The following WDR26 variants were observed in gnomAD, a reference collection of about 807,000 sequenced individuals.
WDR26 encodes the protein WD repeat domain 26, also known as WD repeat-containing protein 26.
WDR26 carries 5 observed loss-of-function variants against 84.1 expected under a neutral mutation model. The observed-to-expected ratio is 0.06, with a 90% CI of 0.03 to 0.13. The LOEUF is 0.13. Among genes scored for constraint, WDR26 ranks in the 10% least tolerant of loss-of-function variants. WDR26 has a pLI of 1.00. For missense variants in WDR26, 642 were observed against 974.9 expected, an observed-to-expected ratio of 0.66 and a Z score of 4.55; for synonymous variants, 415 against 389.6, an observed-to-expected ratio of 1.07 and a Z score of -0.77.
chr1:224,422,124 C>A lies in WDR26; in HGVS notation c.1064+2394G>T, dbSNP rs553035614. On this transcript the variant is annotated intron_variant, in intron 4 of 13. Transcript: ENST00000414423. ...ATCTTGGGAGATGATGATGCTTGGG[C>A]TGGGAGCTGAGCAAGGAGTACCCAG... is the stretch of plus-strand genomic sequence containing the variant. Among the ~76,000 whole-genome samples, 19 of 152,206 alleles carry A rather than the reference C, an allele frequency of 1.2e-4. No individual in the cohort carries two copies. The South Asian group carries it at 3.9e-3, about 32-fold the overall frequency.
At chr1:224,391,257 T>C (rs924034202) in intron 13 of WDR26, among the ~76,000 whole-genome samples, 3 of 150,098 alleles carry the variant, frequency 2.0e-5, no homozygotes, top group Admixed American at 2.0e-4. Flanking sequence ...TCCCAGCTAC[T>C]CAGGAGGCTG....
In WDR26 at chr1:224,385,640, T is replaced by G. The variant is rs1364387070; in HGVS notation, c.*4195A>C. The G allele has an allele frequency of 6.5e-6, 1 of 152,674 alleles. No individual in the cohort carries two copies. The highest frequency in any genetic ancestry group is 1.5e-5 in the Non-Finnish European group (1 of 68,046). The allele number at this position is 152,674 out of a possible 1,614,324, so 9.5% of individuals were successfully genotyped here. On this transcript the variant is annotated 3_prime_UTR_variant, in exon 14 of 14. Transcript: ENST00000414423. The stretch of plus-strand genomic sequence containing the variant: ...GAGATCAACACTTAAGTTCTTTTCT[T>G]GATCTCTACAGCTTGGTTTGTAAGT...
At chr1:224,391,891 T>C (rs1673135723) in intron 13 of WDR26, among the ~76,000 whole-genome samples, 1 of 152,036 alleles carries the variant, frequency 6.6e-6, no homozygotes, top group Non-Finnish European at 1.5e-5. Context: ...CAGGTGAAAA[T>C]GAAAATCATT....
At chr1:224,406,601 T>C (rs188209683) in intron 7 of WDR26, among the ~76,000 whole-genome samples, 4 of 152,330 alleles carry the variant, frequency 2.6e-5, no homozygotes, top group Admixed American at 1.3e-4. Context: ...TTTGATAAAA[T>C]TGAATAGTTA....
Position 224,433,999 on chromosome 1 carries a change from G to A in WDR26, c.407C>T (p.Ser136Leu). The A allele has an allele frequency of 6.6e-7, 1 of 1,518,042 alleles. No homozygotes were observed. The highest frequency in any genetic ancestry group is 1.2e-5 in the South Asian group (1 of 82,148). The allele number at this position is 1,518,042 out of a possible 1,614,324, so 94.0% of individuals were successfully genotyped here. The change falls in exon 1 of 14, where the codon TCG becomes TTG. Residue 136 changes from serine (S) to leucine (L), a missense_variant. Around this residue, in one of 2 missense-constraint regions of WDR26, gnomAD observed 291 missense variants for 302.1 expected, o/e 0.96. Transcript: ENST00000414423. Reference sequence around the variant, plus strand: ...GGGGGACGACTCCCCGTTCTGGGCCGACAAGCAGGCGAGTTCCGGGGTCTG... The same window carrying A: ...GGGGGACGACTCCCCGTTCTGGGCCAACAAGCAGGCGAGTTCCGGGGTCTG...
chr1:224,420,529 G>A (rs1423656944), intron 4 of WDR26, among the ~76,000 whole-genome samples: 1 of 152,136 alleles, frequency 6.6e-6, no homozygotes, highest in Non-Finnish European at 1.5e-5. Flanking sequence ...TAAGTACTTA[G>A]TCTACGACCT....
In WDR26 at chr1:224,419,878, C is replaced by T. The variant is rs1208153767; in HGVS notation, c.1065-263G>A. On this transcript the variant is annotated intron_variant, in intron 4 of 13. Transcript: ENST00000414423. ...TATTATATATATGGCTCTTATTGTG[C>T]AGGTTCTAGCACTCAACACATATTA... 8.6e-4 allele frequency among the ~76,000 whole-genome samples: 6 copies of T among 6,984 alleles called. No homozygotes were observed. The Non-Finnish European group carries it at 0.028, about 33-fold the overall frequency. The allele number at this position is 6,984 out of a possible 152,430, so 4.6% of individuals were successfully genotyped here.
intron 3 of WDR26, among the ~76,000 whole-genome samples, chr1:224,425,867 C>CTT (rs563148307): frequency 1.3e-5 from 2 of 149,180 alleles, no homozygotes; most frequent in Non-Finnish European, 1.5e-5. Context: ...TGCTTTTCTT[C>CTT]TTTTTTTTTT....
chr1:224,406,031 C>T lies in WDR26; in HGVS notation c.1459-1461G>A, dbSNP rs574988179. Among the ~76,000 whole-genome samples, 22 of 152,166 alleles carry T rather than the reference C, an allele frequency of 1.4e-4. No homozygotes were observed. The South Asian group carries it at 3.3e-3, about 23-fold the overall frequency. On this transcript the variant is annotated intron_variant, in intron 7 of 13. Coordinates refer to ENST00000414423, the MANE Select transcript of WDR26 (RefSeq NM_001379403.1). Reference sequence around the variant, plus strand: ...CAGTTCCCAAAAAATGAGGCCCTAACGTAAGATGTTAAGGACTAAAAGAGG... The same window carrying T: ...CAGTTCCCAAAAAATGAGGCCCTAATGTAAGATGTTAAGGACTAAAAGAGG...
chr1:224,433,607 T>TCCCCTC, intron 1 of WDR26, 77 bp downstream of exon 1: 1 of 250,554 alleles, frequency 4.0e-6, no homozygotes, highest in Non-Finnish European at 5.5e-6. Context: ...CCCTCCCCCC[T>TCCCCTC]CCGCCCCTTC....
At chr1:224,406,874 C>A (rs1387001754) in intron 7 of WDR26, among the ~76,000 whole-genome samples, 1 of 151,580 alleles carries the variant, frequency 6.6e-6, no homozygotes, top group African/African-American at 2.4e-5. Context: ...GTAATCCCAG[C>A]ACTTTGGGAG....
chr1:224,415,608 G>A (rs2102910075), intron 6 of WDR26, among the ~76,000 whole-genome samples: 1 of 152,018 alleles, frequency 6.6e-6, no homozygotes, highest in East Asian at 1.9e-4. Flanking sequence ...CTACAGGCGT[G>A]TGCCGCCATG....
intron 11 of WDR26, 105 bp downstream of exon 11, chr1:224,398,410 A>C: frequency 7.9e-7 from 1 of 1,259,522 alleles, no homozygotes. Flanking sequence ...AATCAAATTT[A>C]AGGGTAAGTA....
intron 10 of WDR26, 94 bp from the exon 11 acceptor site, chr1:224,398,687 A>G: frequency 7.8e-7 from 1 of 1,289,934 alleles, no homozygotes; most frequent in Non-Finnish European, 1.1e-6. Flanking sequence ...AAGTATGACA[A>G]TTTTGCCTGC....
At chr1:224,423,789 T>G (rs1028901268) in intron 4 of WDR26, among the ~76,000 whole-genome samples, 1 of 152,284 alleles carries the variant, frequency 6.6e-6, no homozygotes, top group East Asian at 1.9e-4. Flanking sequence ...GATATACATA[T>G]TGGGAGTTCA....
intron 12 of WDR26, among the ~76,000 whole-genome samples, chr1:224,395,350 A>G (rs909055204): frequency 8.5e-5 from 13 of 152,218 alleles, no homozygotes; most frequent in Non-Finnish European, 1.8e-4. Flanking sequence ...ACTTAATGAT[A>G]TATCAGTTAA....
At chr1:224,414,417 T>C (rs1279958996) in intron 6 of WDR26, among the ~76,000 whole-genome samples, 1 of 152,158 alleles carries the variant, frequency 6.6e-6, no homozygotes, top group Non-Finnish European at 1.5e-5. Flanking sequence ...AGAAATTGTA[T>C]ACAATCTAAT....
chr1:224,405,967 G>A (rs1266816440), intron 7 of WDR26, among the ~76,000 whole-genome samples: 4 of 152,138 alleles, frequency 2.6e-5, no homozygotes, highest in Admixed American at 1.3e-4. Flanking sequence ...AACCATAAAG[G>A]GACAATGGAA....
rs1673002818 is a variant in WDR26 at position 224,386,876 on chromosome 1, A to AGGTTTT, written c.*2958_*2959insAAAACC. 1 of 152,212 alleles carries AGGTTTT rather than the reference A, an allele frequency of 6.6e-6. No individual in the cohort carries two copies. The highest frequency in any genetic ancestry group is 1.5e-5 in the Non-Finnish European group (1 of 68,030). 9.4% of individuals were successfully genotyped at this position (152,212 alleles called of 1,614,324 possible). ...TGTTATGAAGACTAAAAAAATACAA[A>AGGTTTT]AACCAAAGCTGAAGCTTTGTCATCC... is the stretch of plus-strand genomic sequence containing the variant. On this transcript the variant is annotated 3_prime_UTR_variant, in exon 14 of 14. Coordinates refer to ENST00000414423, the MANE Select transcript of WDR26 (RefSeq NM_001379403.1).
Sources: gnomAD v4.1 joint callset for allele counts (sites outside exome capture counted in the v4.1 genomes callset) on GRCh38, gnomAD v4.1.1 for gene constraint, gnomAD v4.1.1 regional missense constraint, MANE v1.5 for transcripts, NCBI Gene and HGNC (gene_info 2026-07-23, HGNC 2026-07-21) for gene names.